Variants in MYT1 observed in about 807,000 individuals in gnomAD.
MYT1 encodes the protein myelin transcription factor I.
In MYT1, 23 loss-of-function variants were observed where a neutral mutation model predicts 123.0. That is an observed-to-expected ratio of 0.19 (90% CI 0.13 to 0.26). The LOEUF (loss-of-function observed/expected upper bound fraction) is 0.26. Ranked by LOEUF, MYT1 falls within the 10% of genes least tolerant of loss-of-function variation. MYT1 has a pLI of 1.00. For synonymous variants in MYT1, 518 were observed against 575.3 expected (o/e 0.90, Z 1.43); for missense variants, 1,125 against 1,472.5 (o/e 0.76, Z 3.86).
chr20:64,213,601 A>G lies in MYT1; in HGVS notation c.1585A>G (p.Thr529Ala), dbSNP rs1337055525. Residue 529 changes from threonine (T) to alanine (A), a missense_variant, in exon 10 of 23, where the codon ACA becomes GCA. By Grantham distance (58) the Thr-to-Ala change is moderately conservative (BLOSUM62 0). Around this residue, in one of 4 missense-constraint regions of MYT1, gnomAD observed 429 missense variants for 604.1 expected, o/e 0.71. Transcript: ENST00000328439. The surrounding 1 kb of genome is among the most constrained non-coding windows in gnomAD (Gnocchi z 5.6). The stretch of plus-strand genomic sequence containing the variant: ...ATCCCATGAGAAGCAGCAGCCGCAG[A>G]CAGGAGATCCTTCCAAGAGTAGCTC... ...AKSHEKQQPQ[T>A]GDPSKSSSNS... 16 of 1,614,056 alleles carry G rather than the reference A, an allele frequency of 9.9e-6. No individual in the cohort carries two copies. Among genetic ancestry groups the G allele is most frequent in the South Asian group, 5.5e-5 (5 of 91,092 alleles).
chr20:64,227,324 C>A, intron 16 of MYT1, 91 bp from the exon 17 acceptor site: 2 of 1,247,724 alleles, frequency 1.6e-6, no homozygotes, highest in Non-Finnish European at 1.1e-6. Flanking sequence ...AAGGGCTGAG[C>A]CCAGAAGGCT....
rs753017399 is a variant in MYT1 at position 64,217,159 on chromosome 20, A to G, written c.1724A>G (p.Lys575Arg). Reference sequence around the variant, plus strand: ...GCCACACCCAGGGCCAACTTGGCCAAGGAGCTGGAGAAGTTCTCCAAGGTC... The same window carrying G: ...GCCACACCCAGGGCCAACTTGGCCAGGGAGCTGGAGAAGTTCTCCAAGGTC... ...APATPRANLA[K>R]ELEKFSKVTF... The change falls in exon 11 of 23, where the codon AAG becomes AGG. Residue 575 changes from lysine (K) to arginine (R), a missense_variant. Lys to Arg is a conservative substitution (Grantham distance 26). This residue lies in a region of MYT1 where 429 missense variants were observed against 604.1 expected (regional missense o/e 0.71). Coordinates refer to ENST00000328439, the MANE Select transcript of MYT1 (RefSeq NM_004535.3). 6.2e-7 allele frequency: 1 copy of G among 1,614,244 alleles called. No homozygotes were observed. The highest frequency in any genetic ancestry group is 1.7e-5 in the Admixed American group (1 of 60,028).
Position 64,166,242 on chromosome 20 carries a change from C to T in MYT1, c.-99+1503C>T, listed in dbSNP as rs1180723991. On this transcript the variant is annotated intron_variant, in intron 1 of 22. Coordinates refer to ENST00000328439, the MANE Select transcript of MYT1 (RefSeq NM_004535.3). This position sits in a 1 kb window ranked among gnomAD's most constrained non-coding sequence, Gnocchi z 4.9. The stretch of plus-strand genomic sequence containing the variant: ...CAGTAGAGGCAGGACCCTGCCCTGT[C>T]TCCCTCGGTAGCTGTTCCTTGTGCA... Among the ~76,000 whole-genome samples the T allele has an allele frequency of 6.6e-6, 1 of 152,198 alleles. No homozygotes were observed. The highest frequency in any genetic ancestry group is 1.5e-5 in the Non-Finnish European group (1 of 68,032).
intron 1 of MYT1, among the ~76,000 whole-genome samples, chr20:64,181,823 C>A (rs1164677487): frequency 1.3e-5 from 2 of 152,166 alleles, no homozygotes; most frequent in Non-Finnish European, 2.9e-5. Context: ...GATGCTGGAC[C>A]TAGTATTTCT....
rs572464717 is a variant in MYT1, at chr20:64,184,335, A to AT, written c.-98-5717dup. On this transcript the variant is annotated intron_variant, in intron 1 of 22. Coordinates refer to ENST00000328439, the MANE Select transcript of MYT1 (RefSeq NM_004535.3). ...TAATTTTTGAGAGAGGTCCAACTTCATTTTTTTTTTTGATATCTAGTTGTC... is the reference window on the plus strand; with the variant it reads ...TAATTTTTGAGAGAGGTCCAACTTCATTTTTTTTTTTTGATATCTAGTTGTC... Among the ~76,000 whole-genome samples, 1,000 of 144,022 alleles carry AT rather than the reference A, an allele frequency of 6.9e-3. 6 individuals carry two copies. Among genetic ancestry groups the AT allele is most frequent in the African/African-American group, 0.016 (646 of 39,364 alleles). The allele number at this position is 144,022 out of a possible 152,430, so 94.5% of individuals were successfully genotyped here. A position where few individuals can be genotyped will look rare whatever the true frequency, so the allele number is the denominator to read the frequency against.
intron 1 of MYT1, among the ~76,000 whole-genome samples, chr20:64,178,593 A>C (rs1982543289): frequency 1.4e-5 from 2 of 145,618 alleles, no homozygotes; most frequent in East Asian, 4.2e-4. Flanking sequence ...ACGTGGCAGC[A>C]CTGAGCCGTT....
intron 12 of MYT1, 140 bp downstream of exon 12, chr20:64,219,175 C>G (rs1983923866): frequency 8.2e-7 from 1 of 1,218,512 alleles, no homozygotes; most frequent in Non-Finnish European, 1.1e-6. Flanking sequence ...ACTTTTTCTC[C>G]CTCCTGGCCA....
intron 16 of MYT1, among the ~76,000 whole-genome samples, chr20:64,223,617 G>A (rs561109288): frequency 1.8e-4 from 27 of 152,096 alleles, no homozygotes; most frequent in South Asian, 6.2e-4. Flanking sequence ...AGGCTCCTGC[G>A]CTGCTCTTGA....
chr20:64,232,247 C>T lies in MYT1; in HGVS notation c.2759C>T (p.Ala920Val), dbSNP rs770439955. ...SHRSASGCPL[A>V]ARRQKEGSLN... ...AGGAGCGCATCCGGCTGCCCACTGG[C>T]CGCCCGCAGGCAGAAGGAAGGGTCC... Residue 920 changes from alanine to valine, a missense_variant, in exon 19 of 23, where the codon GCC (alanine) becomes GTC (valine). Transcript: ENST00000328439. The surrounding 1 kb of genome is among the most constrained non-coding windows in gnomAD (Gnocchi z 6.9). The T allele has an allele frequency of 1.2e-6, 2 of 1,613,188 alleles. No individual in the cohort carries two copies. The highest frequency in any genetic ancestry group is 3.3e-5 in the Admixed American group (2 of 60,028).
At chr20:64,204,995 C>G (rs1167808395) in intron 4 of MYT1, 40 bp from the exon 5 acceptor site, 1 of 1,604,528 alleles carries the variant, frequency 6.2e-7, no homozygotes, top group South Asian at 1.1e-5. Context: ...AGATCTGAGC[C>G]CATCGCCTGA....
chr20:64,213,617 A>C lies in MYT1; in HGVS notation c.1601A>C (p.Lys534Thr). The change falls in exon 10 of 23, where the codon AAG becomes ACG. Residue 534 changes from lysine to threonine, a missense_variant. Physicochemically the swap from Lys to Thr is moderately conservative, Grantham distance 78. Transcript: ENST00000328439. The surrounding 1 kb of genome is among the most constrained non-coding windows in gnomAD (Gnocchi z 5.6). ...KQQPQTGDPSKSSSNSDRILR... is the reference protein window; with the variant it reads ...KQQPQTGDPSTSSSNSDRILR... ...CAGCCGCAGACAGGAGATCCTTCCA[A>C]GAGTAGCTCCAATTCCGATCGGATC... 6.2e-7 allele frequency: 1 copy of C among 1,614,162 alleles called. No individual in the cohort carries two copies. The highest frequency in any genetic ancestry group is 8.5e-7 in the Non-Finnish European group (1 of 1,180,032).
intron 11 of MYT1, 125 bp downstream of exon 11, chr20:64,217,406 G>A: frequency 9.6e-7 from 1 of 1,036,850 alleles, no homozygotes; most frequent in Non-Finnish European, 1.4e-6. Context: ...ACCCTCATGG[G>A]AGGACCACGA....
At chr20:64,206,750 G>A (rs912999841) in intron 6 of MYT1, among the ~76,000 whole-genome samples, 17 of 152,184 alleles carry the variant, frequency 1.1e-4, no homozygotes, top group Non-Finnish European at 2.1e-4. Flanking sequence ...ATCAAGAAGG[G>A]CGTCTGGGGT....
At chr20:64,205,946 C>A in intron 6 of MYT1, 146 bp downstream of exon 6, 2 of 1,330,730 alleles carry the variant, frequency 1.5e-6, no homozygotes, top group Non-Finnish European at 2.0e-6. Flanking sequence ...ATGTGCTGGG[C>A]TTCCTGGGAG....
At chr20:64,177,669 A>G (rs1183477241) in intron 1 of MYT1, among the ~76,000 whole-genome samples, 6 of 145,814 alleles carry the variant, frequency 4.1e-5, no homozygotes, top group Admixed American at 3.5e-4. Context: ...CAGGGACAAG[A>G]GGGTACCCCT....
At position 64,240,523 on chromosome 20, in the gene MYT1, G is replaced by C; in HGVS notation, c.*75G>C. 1 of 1,504,096 alleles carries C rather than the reference G, an allele frequency of 6.6e-7. No homozygotes were observed. Among genetic ancestry groups the C allele is most frequent in the Non-Finnish European group, 8.9e-7 (1 of 1,127,300 alleles). The allele number at this position is 1,504,096 out of a possible 1,614,324, so 93.2% of individuals were successfully genotyped here. On this transcript the variant is annotated 3_prime_UTR_variant, in exon 23 of 23. Transcript: ENST00000328439. The stretch of plus-strand genomic sequence containing the variant: ...TCGCCCTGCCCCGCACCGTGGGGAT[G>C]CCCAACTCACAGTGACTTCCCGTTT...
At chr20:64,187,174 G>T (rs1220788741) in intron 1 of MYT1, among the ~76,000 whole-genome samples, 3 of 146,362 alleles carry the variant, frequency 2.0e-5, no homozygotes, top group Admixed American at 2.0e-4. Flanking sequence ...GTAGCCCATG[G>T]CCCCGGCATC....
In MYT1 at chr20:64,218,734, C is replaced by T. The variant is rs1313895215; in HGVS notation, c.1847-177C>T. 3.9e-6 allele frequency: 3 copies of T among 765,444 alleles called. No homozygotes were observed. The highest frequency in any genetic ancestry group is 6.6e-6 in the Non-Finnish European group (3 of 453,678). The allele number at this position is 765,444 out of a possible 1,614,324, so 47.4% of individuals were successfully genotyped here. ...TCGATATAGCTGTGCCCTGGGCCCT[C>T]CCATCCCTCCCAAAGTGCCCCCTCC... On this transcript the variant is annotated intron_variant, in intron 11 of 22. Transcript: ENST00000328439. This position sits in a 1 kb window ranked among gnomAD's most constrained non-coding sequence, Gnocchi z 4.0.
chr20:64,169,243 A>G (rs1350683474), intron 1 of MYT1, among the ~76,000 whole-genome samples: 1 of 152,112 alleles, frequency 6.6e-6, no homozygotes. Context: ...AGGCCCTAGA[A>G]GGTCCCTGAG....
Sources: gnomAD v4.1 joint callset for allele counts (sites outside exome capture counted in the v4.1 genomes callset) on GRCh38, gnomAD v4.1.1 for gene constraint, gnomAD v4.1.1 regional missense constraint, Gnocchi (gnomAD v3.1) non-coding constraint, MANE v1.5 for transcripts, NCBI Gene and HGNC (gene_info 2026-07-23, HGNC 2026-07-21) for gene names.